Variants in MAGI1 observed in about 807,000 individuals in gnomAD.
MAGI1 encodes membrane associated guanylate kinase, WW and PDZ domain containing 1.
Under a neutral mutation model 139.9 loss-of-function variants are expected in MAGI1, and 58 were observed. The ratio of observed to expected loss-of-function variants is 0.41; its 90% CI spans 0.34 to 0.52. The LOEUF (loss-of-function observed/expected upper bound fraction) is 0.52. Among genes scored for constraint, MAGI1 ranks in the 20% least tolerant of loss-of-function variants. MAGI1 has a pLI of 0.12. For missense variants in MAGI1, 1,874 were observed against 1,901.6 expected, an observed-to-expected ratio of 0.99 and a Z score of 0.27; for synonymous variants, 812 against 737.9, an observed-to-expected ratio of 1.10 and a Z score of -1.63.
intron 2 of MAGI1, among the ~76,000 whole-genome samples, chr3:65,511,752 A>C (rs1040834887): frequency 6.7e-6 from 1 of 149,920 alleles, no homozygotes. Flanking sequence ...TCAACGACAC[A>C]GAAAGTCAAC....
chr3:65,930,012 T>C (rs545329594), intron 1 of MAGI1, among the ~76,000 whole-genome samples: 1 of 152,158 alleles, frequency 6.6e-6, no homozygotes, highest in Admixed American at 6.5e-5. Flanking sequence ...GAAGGGCAAA[T>C]CACATTAAAA....
chr3:65,359,065 GTA>G (rs1559880621), intron 22 of MAGI1: 1 of 1,613,238 alleles, frequency 6.2e-7, no homozygotes, highest in Non-Finnish European at 8.5e-7. Flanking sequence ...GCTACAAACC[GTA>G]GTTTGATTAT....
chr3:65,517,893 C>T (rs1278295492), intron 2 of MAGI1, among the ~76,000 whole-genome samples: 1 of 152,162 alleles, frequency 6.6e-6, no homozygotes, highest in African/African-American at 2.4e-5. Context: ...ATAACAGAGT[C>T]CCTCTGTTGA....
At chr3:65,988,108 G>C (rs529829233) in intron 1 of MAGI1, among the ~76,000 whole-genome samples, 1 of 152,312 alleles carries the variant, frequency 6.6e-6, no homozygotes, top group African/African-American at 2.4e-5. Flanking sequence ...GCTTTTCAGA[G>C]CCTATTTGGG....
intron 1 of MAGI1, among the ~76,000 whole-genome samples, chr3:65,794,297 G>C (rs1163720931): frequency 6.6e-6 from 1 of 152,210 alleles, no homozygotes; most frequent in African/African-American, 2.4e-5. Flanking sequence ...ACAAAAGACT[G>C]AGACCTAGAA....
chr3:65,502,551 G>A (rs1355157680), intron 2 of MAGI1, among the ~76,000 whole-genome samples: 4 of 152,198 alleles, frequency 2.6e-5, no homozygotes, highest in African/African-American at 7.2e-5. Flanking sequence ...GAACCCAGTA[G>A]TTCAAATCCA....
At chr3:65,668,849 G>A (rs1271430313) in intron 1 of MAGI1, among the ~76,000 whole-genome samples, 1 of 151,984 alleles carries the variant, frequency 6.6e-6, no homozygotes, top group African/African-American at 2.4e-5. Flanking sequence ...ACTGTGCCCA[G>A]CCGCCATTTA....
At chr3:65,982,332 C>T (rs970373832) in intron 1 of MAGI1, among the ~76,000 whole-genome samples, 1 of 152,146 alleles carries the variant, frequency 6.6e-6, no homozygotes, top group African/African-American at 2.4e-5. Flanking sequence ...CCACATGCCC[C>T]TTCTTTGGTG....
At chr3:65,671,238 A>C (rs1319716671) in intron 1 of MAGI1, among the ~76,000 whole-genome samples, 1 of 152,196 alleles carries the variant, frequency 6.6e-6, no homozygotes, top group Non-Finnish European at 1.5e-5. Context: ...TCTAGAGCCA[A>C]TGCTATGAAT....
chr3:66,018,116 G>C (rs111236444), intron 1 of MAGI1, among the ~76,000 whole-genome samples: 4,802 of 137,320 alleles, frequency 0.035, 562 homozygotes, highest in African/African-American at 0.12. Context: ...ACTTTGGTGG[G>C]GGGGGGGGGT....
At chr3:65,937,388 A>G (rs576933310) in intron 1 of MAGI1, among the ~76,000 whole-genome samples, 2 of 152,186 alleles carry the variant, frequency 1.3e-5, no homozygotes, top group East Asian at 3.9e-4. Flanking sequence ...AGCTACGGAA[A>G]TCCTCTCCTT....
intron 12 of MAGI1, among the ~76,000 whole-genome samples, chr3:65,408,536 A>T (rs866819730): frequency 3.3e-5 from 5 of 152,238 alleles, no homozygotes; most frequent in Admixed American, 2.6e-4. Context: ...ACAATCTGAG[A>T]CTTCCCCAGC....
At chr3:65,614,973 G>C (rs2083295641) in intron 2 of MAGI1, among the ~76,000 whole-genome samples, 1 of 150,840 alleles carries the variant, frequency 6.6e-6, no homozygotes, top group South Asian at 2.1e-4. Flanking sequence ...ACTGAGCTAT[G>C]ATCATGCCAC....
intron 1 of MAGI1, among the ~76,000 whole-genome samples, chr3:65,684,167 C>CAAAAAAAAAAAAAAA (rs1163089641): frequency 1.3e-5 from 1 of 79,412 alleles, no homozygotes; most frequent in Non-Finnish European, 2.4e-5. Context: ...GAGACTGTCT[C>CAAAAAAAAAAAAAAA]AAAAAAAAAA....
chr3:65,420,736 A>AG (rs1414882856), intron 12 of MAGI1, among the ~76,000 whole-genome samples: 2 of 152,200 alleles, frequency 1.3e-5, no homozygotes, highest in African/African-American at 4.8e-5. Flanking sequence ...TCTTCCAGAA[A>AG]GGGGAAGGGA....
At chr3:65,991,345 A>G (rs1006482761) in intron 1 of MAGI1, among the ~76,000 whole-genome samples, 8 of 151,656 alleles carry the variant, frequency 5.3e-5, no homozygotes, top group African/African-American at 1.9e-4. Flanking sequence ...ATACTGTAAT[A>G]TATGAATATG....
intron 1 of MAGI1, among the ~76,000 whole-genome samples, chr3:65,921,427 G>T (rs2062179306): frequency 6.6e-6 from 1 of 151,418 alleles, no homozygotes; most frequent in Non-Finnish European, 1.5e-5. Flanking sequence ...TCCCATCTCA[G>T]CCTCCCGAGT....
At chr3:65,951,450 G>C (rs1456342100) in intron 1 of MAGI1, among the ~76,000 whole-genome samples, 2 of 152,164 alleles carry the variant, frequency 1.3e-5, no homozygotes, top group South Asian at 4.1e-4. Flanking sequence ...CAATGAAACT[G>C]TTGCATCGAA....
chr3:65,622,150 G>C (rs771632057), intron 1 of MAGI1, 62 bp from the exon 2 acceptor site: 28 of 1,151,898 alleles, frequency 2.4e-5, no homozygotes, highest in Non-Finnish European at 3.5e-5. Context: ...AAAAGAAGTA[G>C]CCAAGAACTG....
Sources: allele counts gnomAD v4.1 joint callset (sites outside exome capture counted in the v4.1 genomes callset), GRCh38; gene constraint gnomAD v4.1.1; transcripts MANE v1.5; gene names NCBI Gene and HGNC (gene_info 2026-07-23, HGNC 2026-07-21).